Variants in TCF4 observed in about 807,000 individuals in gnomAD.
TCF4 encodes SL3-3 enhancer factor 2.
TCF4 carries 3 observed loss-of-function variants against 82.1 expected under a neutral mutation model. The ratio of observed to expected loss-of-function variants is 0.04; its 90% CI spans 0.02 to 0.09. The LOEUF (loss-of-function observed/expected upper bound fraction) is 0.09, where lower values mean the gene tolerates loss of function less well. Ranked by LOEUF, TCF4 falls within the 10% of genes least tolerant of loss-of-function variation. The pLI is 1.00. For synonymous variants in TCF4, 276 were observed against 309.6 expected, an observed-to-expected ratio of 0.89 and a Z score of 1.14; for missense variants, 518 against 852.7, an observed-to-expected ratio of 0.61 and a Z score of 4.89.
chr18:55,361,363 G>C (rs957895882), intron 6 of TCF4, among the ~76,000 whole-genome samples: 11 of 152,108 alleles, frequency 7.2e-5, no homozygotes, highest in African/African-American at 2.7e-4. Flanking sequence ...CTATGGGCCA[G>C]CCACTGTTCT....
intron 8 of TCF4, among the ~76,000 whole-genome samples, chr18:55,300,089 CAT>C (rs537891694): frequency 1.3e-5 from 2 of 149,196 alleles, no homozygotes; most frequent in South Asian, 4.3e-4. Context: ...AATACACACA[CAT>C]ACAGATATAC....
Position 55,546,615 on chromosome 18 carries a change from T to A in TCF4, c.145+38665A>T, listed in dbSNP as rs530804323. Among the ~76,000 whole-genome samples, 61 of 152,240 alleles carry A rather than the reference T, an allele frequency of 4.0e-4. 1 individual carries two copies. Among genetic ancestry groups the A allele is most frequent in the African/African-American group, 1.4e-3 (58 of 41,544 alleles). ...ATAACAAAAGAGGGCCTGGAGAAGA[T>A]ATAAAGAAGGATAAAGTTTAACTTT... On this transcript the variant is annotated intron_variant, in intron 3 of 19. Coordinates refer to ENST00000354452, the MANE Select transcript of TCF4 (RefSeq NM_001083962.2).
intron 9 of TCF4, among the ~76,000 whole-genome samples, chr18:55,277,488 T>C (rs1568634118): frequency 1.3e-5 from 2 of 152,338 alleles, no homozygotes; most frequent in South Asian, 4.1e-4. Context: ...ATTATGCTTT[T>C]CACAGTAAAT....
intron 3 of TCF4, among the ~76,000 whole-genome samples, chr18:55,535,564 T>C (rs1293042989): frequency 6.6e-6 from 1 of 152,230 alleles, no homozygotes; most frequent in African/African-American, 2.4e-5. Context: ...CTTACTCTTT[T>C]CATTGTCTGT....
chr18:55,302,276 A>G (rs939593038), intron 8 of TCF4: 1 of 738,302 alleles, frequency 1.4e-6, no homozygotes, highest in Admixed American at 2.5e-5. Flanking sequence ...TTAAAATGAA[A>G]GTTCTGGTGA....
At chr18:55,458,855 C>T (rs976827911) in intron 5 of TCF4, among the ~76,000 whole-genome samples, 2 of 151,432 alleles carry the variant, frequency 1.3e-5, no homozygotes, top group African/African-American at 4.9e-5. Flanking sequence ...TTTTGCATAC[C>T]GCGCAATACC....
intron 3 of TCF4, among the ~76,000 whole-genome samples, chr18:55,465,526 T>C (rs1160687042): frequency 6.6e-6 from 1 of 152,052 alleles, no homozygotes; most frequent in African/African-American, 2.4e-5. Context: ...ATCAGTGCAC[T>C]GTGAGCTTCA....
chr18:55,350,412 A>C lies in TCF4; in HGVS notation c.500-4T>G. 6.2e-7 allele frequency: 1 copy of C among 1,613,524 alleles called. No individual in the cohort carries two copies. Among genetic ancestry groups the C allele is most frequent in the Non-Finnish European group, 8.5e-7 (1 of 1,179,644 alleles). On this transcript the variant is annotated splice_region_variant and splice_polypyrimidine_tract_variant and intron_variant, in intron 7 of 19. Transcript: ENST00000354452. ...CGAACTTTCTTTGTCTGTACCTCTG[A>C]AAGAAAATGAAGATGCTTTCAGCTC...
intron 16 of TCF4, 49 bp from the exon 17 acceptor site, chr18:55,232,720 C>T (rs760454337): frequency 2.5e-6 from 4 of 1,609,862 alleles, no homozygotes; most frequent in Non-Finnish European, 3.4e-6. Context: ...ATCTCACTGC[C>T]TGCACACCAG....
intron 5 of TCF4, among the ~76,000 whole-genome samples, chr18:55,425,716 A>G (rs948955473): frequency 3.5e-4 from 54 of 152,180 alleles, no homozygotes; most frequent in Non-Finnish European, 8.8e-5. Flanking sequence ...TAAATTTCCA[A>G]AAGCAGAGCC....
At chr18:55,230,630 G>A (rs557492471) in intron 17 of TCF4, 1 of 152,300 alleles carries the variant, frequency 6.6e-6, no homozygotes, top group African/African-American at 2.4e-5. Flanking sequence ...TCACACATTG[G>A]AAATGTTCAC....
At chr18:55,502,952 T>C (rs1026253778) in intron 3 of TCF4, among the ~76,000 whole-genome samples, 2 of 152,232 alleles carry the variant, frequency 1.3e-5, no homozygotes, top group East Asian at 3.8e-4. Context: ...TTTGATTCCA[T>C]GGTAACACTT....
chr18:55,314,612 G>A (rs927320469), intron 8 of TCF4, among the ~76,000 whole-genome samples: 1 of 150,760 alleles, frequency 6.6e-6, no homozygotes, highest in South Asian at 2.1e-4. Flanking sequence ...AGGGAGTACA[G>A]GGCACTTGTA....
chr18:55,472,306 G>A (rs1176770967), intron 3 of TCF4, among the ~76,000 whole-genome samples: 2 of 152,134 alleles, frequency 1.3e-5, no homozygotes, highest in African/African-American at 4.8e-5. Flanking sequence ...AGCTCAAGGT[G>A]GTAAACAGTT....
intron 3 of TCF4, among the ~76,000 whole-genome samples, chr18:55,534,318 C>A (rs535335840): frequency 6.6e-6 from 1 of 152,152 alleles, no homozygotes; most frequent in South Asian, 2.1e-4. Flanking sequence ...GAAAGCAATG[C>A]AGAGACACAC....
At chr18:55,531,441 C>G (rs562959130) in intron 3 of TCF4, among the ~76,000 whole-genome samples, 1 of 151,972 alleles carries the variant, frequency 6.6e-6, no homozygotes, top group Non-Finnish European at 1.5e-5. Context: ...TAAAAGTTAC[C>G]TTATAAATCC....
At chr18:55,487,892 T>TA (rs879529817) in intron 3 of TCF4, among the ~76,000 whole-genome samples, 101 of 145,628 alleles carry the variant, frequency 6.9e-4, no homozygotes, top group Admixed American at 9.0e-4. Context: ...TCCATTTTCT[T>TA]AAAAAAAAAA....
At chr18:55,234,954 A>C (rs1199218449) in intron 15 of TCF4, among the ~76,000 whole-genome samples, 1 of 152,168 alleles carries the variant, frequency 6.6e-6, no homozygotes, top group African/African-American at 2.4e-5. Flanking sequence ...AGGGTGCTGC[A>C]GTGGAGCGCA....
At chr18:55,532,444 T>C (rs1389931038) in intron 3 of TCF4, among the ~76,000 whole-genome samples, 1 of 152,182 alleles carries the variant, frequency 6.6e-6, no homozygotes, top group Admixed American at 6.5e-5. Flanking sequence ...ACAAGGGAGC[T>C]AATTTCTTTT....
Sources: allele counts gnomAD v4.1 joint callset (sites outside exome capture counted in the v4.1 genomes callset), GRCh38; gene constraint gnomAD v4.1.1; transcripts MANE v1.5; gene names NCBI Gene and HGNC (gene_info 2026-07-23, HGNC 2026-07-21).